THSD7B: variants seen among roughly 807,000 people sequenced by gnomAD.
THSD7B encodes the protein thrombospondin type-1 domain-containing protein 7B.
A neutral mutation model predicts 213.6 loss-of-function variants in THSD7B; 138 were observed. That is an observed-to-expected ratio of 0.65 (90% CI 0.56 to 0.74). The LOEUF (loss-of-function observed/expected upper bound fraction) is 0.74. THSD7B is among the 30% of genes least tolerant of loss of function. The pLI is 0.00. For synonymous variants in THSD7B, 742 were observed against 687.0 expected, an observed-to-expected ratio of 1.08 and a Z score of -1.25; for missense variants, 1,931 against 1,991.5, an observed-to-expected ratio of 0.97 and a Z score of 0.58.
Position 137,056,819 on chromosome 2 carries a change from G to A in THSD7B, c.539G>A (p.Cys180Tyr). 6.2e-7 allele frequency: 1 copy of A among 1,613,980 alleles called. No individual in the cohort carries two copies. Residue 180 changes from cysteine to tyrosine, a missense_variant, in exon 3 of 28, where the codon TGT becomes TAT. Cys to Tyr is a radical substitution (Grantham distance 194). Transcript: ENST00000409968. ...TGCCTCATTCCTTGTCCCCGGGATTGTGTAGTATCTGAGTTCTTACCATGG... is the reference window on the plus strand; with the variant it reads ...TGCCTCATTCCTTGTCCCCGGGATTATGTAGTATCTGAGTTCTTACCATGG... ...QACLIPCPRD[C>Y]VVSEFLPWSN...
chr2:137,183,017 G>T (rs1038850224), intron 7 of THSD7B, among the ~76,000 whole-genome samples: 2 of 152,004 alleles, frequency 1.3e-5, no homozygotes, highest in Non-Finnish European at 2.9e-5. Context: ...TTCATTTTGT[G>T]TAAAAAAACT....
Position 136,860,202 on chromosome 2 carries a change from C to A in THSD7B, c.-35-21942C>A, listed in dbSNP as rs182108966. ...AGGATGGTATCTTAGGAGGCCAGGGCAGTAGAATGAGAGAACTCAAAGGAG... is the reference window on the plus strand; with the variant it reads ...AGGATGGTATCTTAGGAGGCCAGGGAAGTAGAATGAGAGAACTCAAAGGAG... On this transcript the variant is annotated intron_variant, in intron 1 of 27. Coordinates refer to ENST00000409968, the MANE Select transcript of THSD7B (RefSeq NM_001316349.2). Among the ~76,000 whole-genome samples the A allele has an allele frequency of 1.9e-3, 286 of 151,756 alleles. 1 individual carries two copies. The highest frequency in any genetic ancestry group is 6.6e-3 in the African/African-American group (272 of 41,352).
At chr2:136,949,653 G>A (rs1685001769) in intron 2 of THSD7B, among the ~76,000 whole-genome samples, 1 of 152,138 alleles carries the variant, frequency 6.6e-6, no homozygotes, top group Non-Finnish European at 1.5e-5. Flanking sequence ...CTCAATACTG[G>A]CTCATGTTAG....
intron 14 of THSD7B, among the ~76,000 whole-genome samples, chr2:137,433,857 C>A (rs1687237408): frequency 6.6e-6 from 1 of 152,078 alleles, no homozygotes; most frequent in Non-Finnish European, 1.5e-5. Flanking sequence ...AGTTTTGTAA[C>A]CCCCAATCTG....
intron 2 of THSD7B, among the ~76,000 whole-genome samples, chr2:137,046,890 A>G (rs1438082036): frequency 6.6e-6 from 1 of 152,118 alleles, no homozygotes; most frequent in Non-Finnish European, 1.5e-5. Context: ...CTAAAGGAGT[A>G]CGATGGGCCT....
chr2:137,290,251 G>A (rs553339426), intron 12 of THSD7B, among the ~76,000 whole-genome samples: 29 of 151,820 alleles, frequency 1.9e-4, no homozygotes, highest in Non-Finnish European at 3.5e-4. Flanking sequence ...CACCATGCCC[G>A]GCTAATTTTT....
At chr2:137,533,903 G>A (rs1680449225) in intron 15 of THSD7B, among the ~76,000 whole-genome samples, 1 of 151,764 alleles carries the variant, frequency 6.6e-6, no homozygotes, top group African/African-American at 2.4e-5. Context: ...AATTAATTTG[G>A]CAACTACAAT....
intron 12 of THSD7B, among the ~76,000 whole-genome samples, chr2:137,314,161 G>C (rs570374068): frequency 2.0e-5 from 3 of 151,986 alleles, no homozygotes; most frequent in African/African-American, 4.8e-5. Flanking sequence ...ATGTAGATTT[G>C]GTCTTTTCAT....
chr2:137,485,836 A>G (rs1474483300), intron 15 of THSD7B, among the ~76,000 whole-genome samples: 2 of 152,136 alleles, frequency 1.3e-5, no homozygotes, highest in South Asian at 2.1e-4. Flanking sequence ...GTGGGGGCCA[A>G]TATTCAACAT....
At chr2:136,790,341 A>G (rs80070216) in intron 1 of THSD7B, among the ~76,000 whole-genome samples, 4,628 of 152,140 alleles carry the variant, frequency 0.03, 163 homozygotes, top group East Asian at 0.17. Flanking sequence ...AAAATATTCA[A>G]ATAGTGCCCT....
intron 6 of THSD7B, among the ~76,000 whole-genome samples, chr2:137,169,529 A>G (rs1680201453): frequency 2.6e-5 from 4 of 151,692 alleles, no homozygotes; most frequent in Admixed American, 2.6e-4. Context: ...TGCAGCTTTC[A>G]CTCTGGGAAT....
chr2:137,159,742 AT>A (rs1679977345), intron 5 of THSD7B, among the ~76,000 whole-genome samples: 1 of 152,094 alleles, frequency 6.6e-6, no homozygotes, highest in Admixed American at 6.5e-5. Context: ...TTTCTTGTGT[AT>A]CTTTGCCAGC....
intron 2 of THSD7B, among the ~76,000 whole-genome samples, chr2:136,962,403 C>CTTTTTTTTTTTTTTTTT (rs71400559): frequency 2.0e-5 from 2 of 100,178 alleles, no homozygotes; most frequent in Non-Finnish European, 1.9e-5. Context: ...AATCTGTTAT[C>CTTTTTTTTTTTTTTTTT]TTTTTTTTTT....
rs371716875 is a variant in THSD7B, at chr2:137,115,243, T to C, written c.1319T>C (p.Val440Ala). The C allele has an allele frequency of 5.6e-6, 9 of 1,612,216 alleles. No homozygotes were observed. In the African/African-American group the frequency reaches 1.1e-4, roughly 19 times the overall value. ...VCGGGIQTREVYCAQSVPAAA... is the reference protein window; with the variant it reads ...VCGGGIQTREAYCAQSVPAAA... ...GGCGGTGGGATCCAGACCCGGGAGGTGTACTGTGCCCAGAGCGTACCAGCA... is the reference window on the plus strand; with the variant it reads ...GGCGGTGGGATCCAGACCCGGGAGGCGTACTGTGCCCAGAGCGTACCAGCA... The change falls in exon 5 of 28, where the codon GTG becomes GCG. Residue 440 changes from valine to alanine, a missense_variant. Coordinates refer to ENST00000409968, the MANE Select transcript of THSD7B (RefSeq NM_001316349.2).
At chr2:137,583,381 G>GT in intron 17 of THSD7B, among the ~76,000 whole-genome samples, 1 of 152,282 alleles carries the variant, frequency 6.6e-6, no homozygotes, top group Admixed American at 6.5e-5. Flanking sequence ...TGTTGCCGTT[G>GT]TTTTTGGTGT....
rs754157569 is a variant in THSD7B, at chr2:137,405,684, C to T, written c.2572C>T (p.Pro858Ser). 1.9e-6 allele frequency: 3 copies of T among 1,613,562 alleles called. No individual in the cohort carries two copies. The South Asian group carries it at 3.3e-5, about 18-fold the overall frequency. The stretch of plus-strand genomic sequence containing the variant: ...ATGCCTCAAGCAGACAAACGGCATG[C>T]CTCTCCTTGTGCAAGAATGCACAGT... Reference protein sequence around the residue: ...MECLKQTNGMPLLVQECTVPC... With the variant: ...MECLKQTNGMSLLVQECTVPC... The change falls in exon 13 of 28, where the codon CCT (proline) becomes TCT (serine). Residue 858 changes from proline (P) to serine (S), a missense_variant. Pro to Ser is a moderately conservative substitution (Grantham distance 74). Coordinates refer to ENST00000409968, the MANE Select transcript of THSD7B (RefSeq NM_001316349.2).
intron 14 of THSD7B, among the ~76,000 whole-genome samples, chr2:137,438,807 C>G (rs1202847920): frequency 1.3e-5 from 2 of 152,112 alleles, no homozygotes; most frequent in African/African-American, 4.8e-5. Context: ...GAAGTTCTGT[C>G]CCTCAGTACC....
At chr2:137,439,050 A>G (rs187588157) in intron 14 of THSD7B, among the ~76,000 whole-genome samples, 1 of 152,262 alleles carries the variant, frequency 6.6e-6, no homozygotes, top group African/African-American at 2.4e-5. Flanking sequence ...ACCAGAAACT[A>G]GGAAAGGCAA....
intron 12 of THSD7B, among the ~76,000 whole-genome samples, chr2:137,316,958 G>C (rs1446078293): frequency 6.6e-6 from 1 of 152,042 alleles, no homozygotes; most frequent in African/African-American, 2.4e-5. Flanking sequence ...GGTAGGTTCT[G>C]ACATAATCTG....
Sources: allele counts gnomAD v4.1 joint callset (sites outside exome capture counted in the v4.1 genomes callset), GRCh38; gene constraint gnomAD v4.1.1; transcripts MANE v1.5; gene names NCBI Gene and HGNC (gene_info 2026-07-23, HGNC 2026-07-21).